SCNN1B: variants seen among roughly 807,000 people sequenced by gnomAD.
SCNN1B encodes the protein epithelial sodium channel subunit beta.
In SCNN1B, 46 loss-of-function variants were observed where a neutral mutation model predicts 65.3. That is an observed-to-expected ratio of 0.70 (90% CI 0.56 to 0.90). The LOEUF is 0.90. Among genes scored for constraint, SCNN1B ranks in the 40% least tolerant of loss-of-function variants. The pLI is 0.00. For missense variants in SCNN1B, 751 were observed against 830.5 expected (o/e 0.90, Z 1.18); for synonymous variants, 349 against 330.6 (o/e 1.06, Z -0.60).
intron 4 of SCNN1B, among the ~76,000 whole-genome samples, chr16:23,360,095 C>T (rs937535059): frequency 7.2e-5 from 11 of 151,730 alleles, no homozygotes; most frequent in African/African-American, 1.5e-4. Flanking sequence ...CCCAGCTACT[C>T]GGGAGGCTGA....
In SCNN1B at chr16:23,306,748, A is replaced by T. The variant is rs537227569; in HGVS notation, c.-9+4311A>T. Among the ~76,000 whole-genome samples the T allele has an allele frequency of 3.9e-5, 6 of 152,352 alleles. No individual in the cohort carries two copies. The East Asian group carries it at 1.2e-3, about 29-fold the overall frequency. ...CACACAGTGGAAACAGTCTTTACAA[A>T]AGCCTAGAGGCATGACCAAAGGAAG... On this transcript the variant is annotated intron_variant, in intron 1 of 12. Transcript: ENST00000343070.
At chr16:23,371,261 A>G in intron 5 of SCNN1B, 38 bp from the exon 6 acceptor site, 3 of 1,611,734 alleles carry the variant, frequency 1.9e-6, no homozygotes, top group South Asian at 2.2e-5. Context: ...CTGCCTCAGG[A>G]GAAAGTTCAG....
intron 8 of SCNN1B, 135 bp downstream of exon 8, chr16:23,375,990 G>T (rs974385791): frequency 1.8e-5 from 12 of 664,344 alleles, no homozygotes; most frequent in Non-Finnish European, 3.3e-5. Flanking sequence ...CACAGTCTGA[G>T]GTCCCTCCTA....
intron 1 of SCNN1B, among the ~76,000 whole-genome samples, chr16:23,334,443 G>A (rs1961894188): frequency 6.6e-6 from 1 of 152,186 alleles, no homozygotes; most frequent in African/African-American, 2.4e-5. Flanking sequence ...AAGAGACAAG[G>A]TGGCATGTGA....
intron 1 of SCNN1B, among the ~76,000 whole-genome samples, chr16:23,322,972 G>A (rs1961618902): frequency 6.6e-6 from 1 of 151,572 alleles, no homozygotes; most frequent in Non-Finnish European, 1.5e-5. Context: ...ATCACCTGAG[G>A]TCAGGGTTTC....
At chr16:23,303,792 G>T (rs1016085870) in intron 1 of SCNN1B, among the ~76,000 whole-genome samples, 14 of 151,884 alleles carry the variant, frequency 9.2e-5, no homozygotes, top group African/African-American at 9.7e-5. Context: ...AGTGGTATGT[G>T]CCTGTAATCC....
chr16:23,376,646 G>A (rs1050607741), intron 8 of SCNN1B, among the ~76,000 whole-genome samples: 10 of 150,754 alleles, frequency 6.6e-5, no homozygotes, highest in African/African-American at 9.8e-5. Flanking sequence ...GCAGTGGCTC[G>A]TGCCTGTAAT....
At chr16:23,365,597 G>GAA (rs757476451) in intron 4 of SCNN1B, among the ~76,000 whole-genome samples, 4 of 59,770 alleles carry the variant, frequency 6.7e-5, no homozygotes, top group South Asian at 1.6e-3. Context: ...GAGAAAGAAA[G>GAA]AAAGAAAGAA....
chr16:23,308,622 C>CATCTT (rs1044073024), intron 1 of SCNN1B, among the ~76,000 whole-genome samples: 194 of 152,000 alleles, frequency 1.3e-3, no homozygotes, highest in African/African-American at 4.4e-3. Context: ...TATTTTATTT[C>CATCTT]ATCTTATCTT....
chr16:23,318,611 G>C (rs1173795181), intron 1 of SCNN1B, among the ~76,000 whole-genome samples: 1 of 152,052 alleles, frequency 6.6e-6, no homozygotes, highest in Non-Finnish European at 1.5e-5. Flanking sequence ...TTCGTCTAAA[G>C]AAAAAAATAA....
At chr16:23,365,463 G>C (rs1567313430) in intron 4 of SCNN1B, among the ~76,000 whole-genome samples, 1 of 132,956 alleles carries the variant, frequency 7.5e-6, no homozygotes, top group Non-Finnish European at 1.6e-5. Context: ...AGGAGAAAGA[G>C]AAAGAAAAGA....
At position 23,281,963 on chromosome 16, in the gene SCNN1B, G is replaced by C. The variant is rs1054835697; in HGVS notation, n.111-1774G>C. On this transcript the variant is annotated intron_variant and non_coding_transcript_variant, in intron 1 of 3. Coordinates refer to the SCNN1B transcript ENST00000569789. ...TCCCAGCACTTTGGGAGGCCGAGGT[G>C]GGTGAGTTGCTTGAGCCCAGGAGTT... 2.6e-5 allele frequency among the ~76,000 whole-genome samples: 4 copies of C among 152,068 alleles called. No homozygotes were observed. The East Asian group carries it at 7.7e-4, about 29-fold the overall frequency.
At chr16:23,362,493 A>G (rs1456260971) in intron 4 of SCNN1B, among the ~76,000 whole-genome samples, 2 of 152,162 alleles carry the variant, frequency 1.3e-5, no homozygotes, top group Non-Finnish European at 2.9e-5. Context: ...AACAGTGGTT[A>G]TACTGCTTCC....
intron 2 of SCNN1B, among the ~76,000 whole-genome samples, chr16:23,296,034 G>C (rs530580093): frequency 9.8e-5 from 15 of 152,302 alleles, no homozygotes; most frequent in African/African-American, 3.6e-4. Context: ...TGGATTTCTG[G>C]GAACAATGTG....
chr16:23,368,086 T>G, intron 5 of SCNN1B, 127 bp downstream of exon 5: 1 of 811,318 alleles, frequency 1.2e-6, no homozygotes, highest in Non-Finnish European at 2.1e-6. Flanking sequence ...GAGGAGTGGC[T>G]GCTACCGAGG....
Position 23,367,908 on chromosome 16 carries a change from TG to T in SCNN1B, c.833del (p.Gly278AlafsTer2), listed in dbSNP as rs1555489114. ...PHYGNCYIFN[W>X]GMTEKALPSA... ...CTATGGCAACTGTTACATCTTCAAC[TG>T]GGGCATGACAGAGAAGGCACTTCCT... On this transcript the variant is annotated frameshift_variant, in exon 5 of 13. Coordinates refer to ENST00000343070, the MANE Select transcript of SCNN1B (RefSeq NM_000336.3). LOFTEE classifies it high-confidence loss of function. 6.2e-7 allele frequency: 1 copy of T among 1,614,222 alleles called. No individual in the cohort carries two copies. Among genetic ancestry groups the T allele is most frequent in the Non-Finnish European group, 8.5e-7 (1 of 1,180,026 alleles).
At chr16:23,333,577 C>A (rs1019413808) in intron 1 of SCNN1B, among the ~76,000 whole-genome samples, 1 of 152,190 alleles carries the variant, frequency 6.6e-6, no homozygotes, top group African/African-American at 2.4e-5. Context: ...ACTTACTTTG[C>A]GACGGGCACT....
chr16:23,295,855 C>CAG (rs1214963464), intron 2 of SCNN1B, among the ~76,000 whole-genome samples: 1 of 152,154 alleles, frequency 6.6e-6, no homozygotes, highest in East Asian at 1.9e-4. Context: ...GGCAAAATCA[C>CAG]AGTTTGTTCC....
intron 1 of SCNN1B, among the ~76,000 whole-genome samples, chr16:23,334,984 CT>C (rs1443397955): frequency 6.6e-6 from 1 of 152,186 alleles, no homozygotes; most frequent in Non-Finnish European, 1.5e-5. Flanking sequence ...TTTTTTGGCT[CT>C]AACTCTAATC....
Sources: gnomAD v4.1 joint callset for allele counts (sites outside exome capture counted in the v4.1 genomes callset) on GRCh38, gnomAD v4.1.1 for gene constraint, MANE v1.5 for transcripts, NCBI Gene and HGNC (gene_info 2026-07-23, HGNC 2026-07-21) for gene names.